SEPTIN9: variants seen among roughly 807,000 people sequenced by gnomAD.
SEPTIN9 encodes septin-9.
In SEPTIN9, 13 loss-of-function variants were observed where a neutral mutation model predicts 56.6. The observed-to-expected ratio is 0.23, with a 90% CI of 0.15 to 0.37. The LOEUF (loss-of-function observed/expected upper bound fraction) is 0.37, where lower values mean the gene tolerates loss of function less well. Among genes scored for constraint, SEPTIN9 ranks in the 10% least tolerant of loss-of-function variants. SEPTIN9 has a pLI of 1.00. For synonymous variants in SEPTIN9, 332 were observed against 334.1 expected, an observed-to-expected ratio of 0.99 and a Z score of 0.07; for missense variants, 650 against 823.1, an observed-to-expected ratio of 0.79 and a Z score of 2.57.
chr17:77,311,198 G>C (rs1193746836), intron 2 of SEPTIN9, among the ~76,000 whole-genome samples: 1 of 151,570 alleles, frequency 6.6e-6, no homozygotes, highest in Non-Finnish European at 1.5e-5. Flanking sequence ...GCCAGGGAGC[G>C]TCTGGGAAGA....
At chr17:77,307,415 C>T (rs1320680603) in intron 2 of SEPTIN9, among the ~76,000 whole-genome samples, 2 of 152,192 alleles carry the variant, frequency 1.3e-5, no homozygotes, top group East Asian at 3.9e-4. Flanking sequence ...CTTGTGGGGG[C>T]AGGGGCAGCC....
In SEPTIN9 at chr17:77,453,557, A is replaced by G. The variant is rs1002678975; in HGVS notation, c.722-28587A>G. Among the ~76,000 whole-genome samples, 66 of 148,930 alleles carry G rather than the reference A, an allele frequency of 4.4e-4. No individual in the cohort carries two copies. The highest frequency in any genetic ancestry group is 1.5e-3 in the African/African-American group (59 of 40,284). On this transcript the variant is annotated intron_variant, in intron 3 of 11. Transcript: ENST00000427177. The surrounding 1 kb of genome is among the most constrained non-coding windows in gnomAD (Gnocchi z 4.4). Reference sequence around the variant, plus strand: ...GAGGTGGAGGTTGCAGTGAGCTGAGATTGTGCTACTGCACTCCAGTCTGGG... The same window carrying G: ...GAGGTGGAGGTTGCAGTGAGCTGAGGTTGTGCTACTGCACTCCAGTCTGGG...
chr17:77,483,667 G>A (rs9896812), intron 4 of SEPTIN9: 3,375 of 152,370 alleles, frequency 0.022, 51 homozygotes, highest in Middle Eastern at 0.041. Context: ...GCCTTCTTCC[G>A]GAGCTTTGGC....
rs150282269 is a variant in SEPTIN9, at chr17:77,360,852, G to A, written c.77-41207G>A. Among the ~76,000 whole-genome samples the A allele has an allele frequency of 7.7e-3, 1,165 of 151,056 alleles. 17 individuals carry two copies. The highest frequency in any genetic ancestry group is 0.027 in the African/African-American group (1,104 of 41,160). ...ATGCTGGCATTATGCCACTGCGCCC[G>A]GCCTAGGGTAGGTTGTTAGAAATGT... On this transcript the variant is annotated intron_variant, in intron 2 of 11. Coordinates refer to ENST00000427177, the MANE Select transcript of SEPTIN9 (RefSeq NM_001113491.2).
At chr17:77,482,801 G>A (rs1338323733) in intron 4 of SEPTIN9, 1 of 545,122 alleles carries the variant, frequency 1.8e-6, no homozygotes, top group Non-Finnish European at 3.3e-6. Context: ...ACACCCCCTG[G>A]TGGCCCCGGA....
At chr17:77,375,306 C>T (rs2034881026) in intron 2 of SEPTIN9, 1 of 152,268 alleles carries the variant, frequency 6.6e-6, no homozygotes, top group South Asian at 2.1e-4. Context: ...GTGCAGAGCT[C>T]TCCTCCTGCC....
intron 2 of SEPTIN9, among the ~76,000 whole-genome samples, chr17:77,391,183 T>G (rs759967840): frequency 3.3e-5 from 5 of 152,174 alleles, no homozygotes; most frequent in Non-Finnish European, 5.9e-5. Flanking sequence ...ACTCAGTGGC[T>G]AGAAGGGGCT....
At chr17:77,410,409 T>A (rs2036251295) in intron 3 of SEPTIN9, among the ~76,000 whole-genome samples, 1 of 152,162 alleles carries the variant, frequency 6.6e-6, no homozygotes, top group African/African-American at 2.4e-5. Context: ...ACGGCCCCTG[T>A]CTGAAACCTG....
rs141081064 is a variant in SEPTIN9 at position 77,368,315 on chromosome 17, G to GTT, written c.77-33731_77-33730dup. Reference sequence around the variant, plus strand: ...TGGTAAATTTGTCTTTTTTGTTTTTGTTTTTTTTTTTTTTGAGACGGAGTC... The same window carrying GTT: ...TGGTAAATTTGTCTTTTTTGTTTTTGTTTTTTTTTTTTTTTTGAGACGGAGTC... On this transcript the variant is annotated intron_variant, in intron 2 of 11. Coordinates refer to ENST00000427177, the MANE Select transcript of SEPTIN9 (RefSeq NM_001113491.2). Among the ~76,000 whole-genome samples, 441 of 143,392 alleles carry GTT rather than the reference G, an allele frequency of 3.1e-3. 2 individuals carry two copies. The highest frequency in any genetic ancestry group is 9.0e-3 in the South Asian group (41 of 4,572). The allele number at this position is 143,392 out of a possible 152,430, so 94.1% of individuals were successfully genotyped here. A position where few individuals can be genotyped will look rare whatever the true frequency, so the allele number is the denominator to read the frequency against.
intron 2 of SEPTIN9, among the ~76,000 whole-genome samples, chr17:77,345,214 T>C (rs2033854599): frequency 6.6e-6 from 1 of 151,988 alleles, no homozygotes; most frequent in African/African-American, 2.4e-5. Flanking sequence ...AATTGCAGTT[T>C]GGGAAGATGA....
rs2037713198 is a variant in SEPTIN9, at chr17:77,445,688, A to G, written c.722-36456A>G. The G allele has an allele frequency of 3.1e-6, 1 of 321,296 alleles. No individual in the cohort carries two copies. The highest frequency in any genetic ancestry group is 6.4e-6 in the Non-Finnish European group (1 of 155,076). 19.9% of individuals were successfully genotyped at this position (321,296 alleles called of 1,614,324 possible). The stretch of plus-strand genomic sequence containing the variant: ...CAAGACTGTTCTGGGCTCTTCTCCC[A>G]GTTGGCTGAGTTGGAGGTGGGAGTC... On this transcript the variant is annotated intron_variant, in intron 3 of 11. Transcript: ENST00000427177. This position sits in a 1 kb window ranked among gnomAD's most constrained non-coding sequence, Gnocchi z 4.7.
intron 2 of SEPTIN9, among the ~76,000 whole-genome samples, chr17:77,325,504 C>T (rs997050955): frequency 8.5e-5 from 13 of 152,304 alleles, no homozygotes; most frequent in Admixed American, 2.6e-4. Flanking sequence ...CCTGGCTGGA[C>T]GTGCTCCCTA....
At chr17:77,376,146 C>T (rs1490851937) in intron 2 of SEPTIN9, 1 of 986,886 alleles carries the variant, frequency 1.0e-6, no homozygotes, top group African/African-American at 1.7e-5. Flanking sequence ...GAAGGAGAGC[C>T]TTCTGGCCAG....
chr17:77,465,272 C>A (rs1207969478), intron 3 of SEPTIN9, among the ~76,000 whole-genome samples: 1 of 152,208 alleles, frequency 6.6e-6, no homozygotes, highest in Non-Finnish European at 1.5e-5. Flanking sequence ...TGCTTTTTGG[C>A]ATAATTCTGT....
At position 77,361,156 on chromosome 17, in the gene SEPTIN9, T is replaced by C. The variant is rs1568013901; in HGVS notation, c.77-40903T>C. On this transcript the variant is annotated intron_variant, in intron 2 of 11. Transcript: ENST00000427177. ...CCAGGCTGGTATCGAACTCCTTACC[T>C]AAGGTGATCCACCCGCCTTGGCCTC... Among the ~76,000 whole-genome samples the C allele has an allele frequency of 2.6e-5, 4 of 152,134 alleles. No individual in the cohort carries two copies. In the South Asian group the frequency reaches 8.3e-4, roughly 31 times the overall value.
chr17:77,355,752 G>T (rs1196678479), intron 2 of SEPTIN9, among the ~76,000 whole-genome samples: 2 of 152,018 alleles, frequency 1.3e-5, no homozygotes, highest in Non-Finnish European at 2.9e-5. Flanking sequence ...GGAGGCCGAG[G>T]TGGGCGGATC....
At chr17:77,361,204 G>A (rs1361035575) in intron 2 of SEPTIN9, among the ~76,000 whole-genome samples, 2 of 152,184 alleles carry the variant, frequency 1.3e-5, no homozygotes. Context: ...GATTACAGGC[G>A]TGAGCCACCG....
chr17:77,308,780 G>A (rs1399086663), intron 2 of SEPTIN9, among the ~76,000 whole-genome samples: 7 of 152,202 alleles, frequency 4.6e-5, no homozygotes, highest in African/African-American at 7.2e-5. Context: ...TGCAGTGCCC[G>A]TGGACTGTGC....
Position 77,313,620 on chromosome 17 carries a change from C to T in SEPTIN9, c.76+6423C>T, listed in dbSNP as rs1180077787. On this transcript the variant is annotated intron_variant, in intron 2 of 11. Coordinates refer to ENST00000427177, the MANE Select transcript of SEPTIN9 (RefSeq NM_001113491.2). The surrounding 1 kb of genome is among the most constrained non-coding windows in gnomAD (Gnocchi z 4.5). Reference sequence around the variant, plus strand: ...CTGGCTCTGCTGGCAGGTACAGTAGCAGGGTCAGCAGGAGGGAGTCCAGGA... The same window carrying T: ...CTGGCTCTGCTGGCAGGTACAGTAGTAGGGTCAGCAGGAGGGAGTCCAGGA... Among the ~76,000 whole-genome samples, 1 of 152,104 alleles carries T rather than the reference C, an allele frequency of 6.6e-6. No homozygotes were observed. Among genetic ancestry groups the T allele is most frequent in the African/African-American group, 2.4e-5 (1 of 41,406 alleles).
Sources: gnomAD v4.1 joint callset for allele counts (sites outside exome capture counted in the v4.1 genomes callset) on GRCh38, gnomAD v4.1.1 for gene constraint, Gnocchi (gnomAD v3.1) non-coding constraint, MANE v1.5 for transcripts, NCBI Gene and HGNC (gene_info 2026-07-23, HGNC 2026-07-21) for gene names.